CYP3A43: variants seen among roughly 807,000 people sequenced by gnomAD.
CYP3A43 encodes cytochrome P450 family 3 subfamily A member 43.
In CYP3A43, 45 loss-of-function variants were observed where a neutral mutation model predicts 58.0. The observed-to-expected ratio is 0.78, with a 90% CI of 0.61 to 0.99. The LOEUF (loss-of-function observed/expected upper bound fraction) is 0.99, where lower values mean the gene tolerates loss of function less well. CYP3A43 is among the 50% of genes least tolerant of loss of function. The pLI is 0.00. For synonymous variants in CYP3A43, 191 were observed against 201.4 expected (o/e 0.95, Z 0.44); for missense variants, 593 against 591.9 (o/e 1.00, Z -0.02).
intron 1 of CYP3A43, among the ~76,000 whole-genome samples, chr7:99,832,494 A>G (rs1816885077): frequency 7.0e-6 from 1 of 141,848 alleles, no homozygotes; most frequent in Non-Finnish European, 1.5e-5. Flanking sequence ...GAACAATGAG[A>G]ACACATGGAC....
intron 1 of CYP3A43, among the ~76,000 whole-genome samples, chr7:99,834,357 A>G (rs113466500): frequency 6.6e-6 from 1 of 152,158 alleles, no homozygotes; most frequent in African/African-American, 2.4e-5. Flanking sequence ...CCAGTCTCCT[A>G]TGTCCACATC....
intron 7 of CYP3A43, among the ~76,000 whole-genome samples, chr7:99,851,272 T>G (rs976369957): frequency 6.6e-6 from 1 of 152,234 alleles, no homozygotes; most frequent in Non-Finnish European, 1.5e-5. Flanking sequence ...AATAGTTGTT[T>G]ACAAGTTTAT....
chr7:99,838,026 A>G (rs921900866), intron 2 of CYP3A43, among the ~76,000 whole-genome samples: 1 of 152,186 alleles, frequency 6.6e-6, no homozygotes, highest in Non-Finnish European at 1.5e-5. Context: ...TTCTCTTCAT[A>G]TTTCCCAGAT....
chr7:99,852,185 A>G (rs554781638), intron 7 of CYP3A43, among the ~76,000 whole-genome samples: 1 of 152,304 alleles, frequency 6.6e-6, no homozygotes, highest in African/African-American at 2.4e-5. Flanking sequence ...CCAGTATCAC[A>G]TTGTCCTGAT....
chr7:99,840,842 G>C (rs1817302665), intron 3 of CYP3A43, among the ~76,000 whole-genome samples: 1 of 152,146 alleles, frequency 6.6e-6, no homozygotes, highest in African/African-American at 2.4e-5. Context: ...GATTCACTGA[G>C]GGCAGTTTGG....
intron 3 of CYP3A43, among the ~76,000 whole-genome samples, chr7:99,841,867 G>A (rs1207835670): frequency 1.3e-5 from 2 of 152,058 alleles, no homozygotes; most frequent in Non-Finnish European, 2.9e-5. Context: ...CTAAATCTAG[G>A]GAAGAGTAGA....
intron 3 of CYP3A43, among the ~76,000 whole-genome samples, chr7:99,841,440 C>G (rs1315714373): frequency 1.3e-5 from 2 of 152,120 alleles, no homozygotes; most frequent in African/African-American, 4.8e-5. Flanking sequence ...TCTTGTCACC[C>G]AGGCTGGAGT....
intron 7 of CYP3A43, chr7:99,850,006 G>A (rs1031672800): frequency 3.2e-5 from 14 of 441,280 alleles, no homozygotes; most frequent in East Asian, 6.6e-5. Flanking sequence ...TGCCTAGGCC[G>A]GAGTGCATGG....
Position 99,865,982 on chromosome 7 carries a change from G to C in CYP3A43, c.1493G>C (p.Gly498Ala). 2 of 1,602,182 alleles carry C rather than the reference G, an allele frequency of 1.2e-6. No homozygotes were observed. Among genetic ancestry groups the C allele is most frequent in the Non-Finnish European group, 1.7e-6 (2 of 1,174,260 alleles). Residue 498 changes from glycine to alanine, a missense_variant, in exon 13 of 13, where the codon GGG becomes GCG. Physicochemically the swap from Gly to Ala is moderately conservative, Grantham distance 60. Coordinates refer to ENST00000354829, the MANE Select transcript of CYP3A43 (RefSeq NM_057095.3). ...GTTCTAAAAGTGCACTTAAGAGATG[G>C]GATTACAAGTGGACCCTGACTTTCC... Reference protein sequence around the residue: ...PIVLKVHLRDGITSGP With the variant: ...PIVLKVHLRDAITSGP
intron 6 of CYP3A43, among the ~76,000 whole-genome samples, chr7:99,849,066 G>C (rs535580442): frequency 6.6e-6 from 1 of 152,244 alleles, no homozygotes; most frequent in Non-Finnish European, 1.5e-5. Flanking sequence ...GAGACATGAC[G>C]TTCACAGCAA....
At chr7:99,848,330 T>C in intron 6 of CYP3A43, 76 bp downstream of exon 6, 1 of 1,474,800 alleles carries the variant, frequency 6.8e-7, no homozygotes, top group Non-Finnish European at 9.4e-7. Flanking sequence ...ATATTCCCAC[T>C]GTTGGGTTAC....
At chr7:99,847,135 C>T (rs1817568314) in intron 4 of CYP3A43, among the ~76,000 whole-genome samples, 1 of 152,136 alleles carries the variant, frequency 6.6e-6, no homozygotes, top group Admixed American at 6.5e-5. Context: ...TATCTGTCAC[C>T]AGTCCCTTTC....
chr7:99,852,839 T>C (rs1422503366), intron 7 of CYP3A43, among the ~76,000 whole-genome samples: 2 of 152,188 alleles, frequency 1.3e-5, no homozygotes, highest in African/African-American at 4.8e-5. Context: ...ATCACAAAAG[T>C]CTTTTGGATT....
intron 7 of CYP3A43, among the ~76,000 whole-genome samples, chr7:99,851,890 T>A (rs1029139762): frequency 2.6e-5 from 4 of 152,378 alleles, no homozygotes; most frequent in African/African-American, 7.2e-5. Context: ...TGTGAGCTCA[T>A]GAAGATTTGC....
rs1210803426 is a variant in CYP3A43 at position 99,848,194 on chromosome 7, A to T, written c.461A>T (p.Asp154Val). The change falls in exon 6 of 13, where the codon GAT (aspartate) becomes GTT (valine). Residue 154 changes from aspartate (D) to valine (V), a missense_variant. Asp to Val is a radical substitution (Grantham distance 152, BLOSUM62 -3). Transcript: ENST00000354829. ...GTCCCCATCATTTCCCAATGTGGAG[A>T]TATGTTGGTGAGAAGCCTGAGGCAG... ...EMVPIISQCGDMLVRSLRQEA... is the reference protein window; with the variant it reads ...EMVPIISQCGVMLVRSLRQEA... 1.2e-6 allele frequency: 2 copies of T among 1,614,026 alleles called. No homozygotes were observed. Among genetic ancestry groups the T allele is most frequent in the Non-Finnish European group, 1.7e-6 (2 of 1,179,986 alleles).
Position 99,861,599 on chromosome 7 carries a change from T to A in CYP3A43, c.1027-14T>A, listed in dbSNP as rs541648357. On this transcript the variant is annotated splice_polypyrimidine_tract_variant and intron_variant, in intron 10 of 12. Coordinates refer to ENST00000354829, the MANE Select transcript of CYP3A43 (RefSeq NM_057095.3). ...CCAATCTCAATTTATCCAAATCTGT[T>A]TCTTTCTTCCCAGGCACCTGTCACC... 2.2e-5 allele frequency: 35 copies of A among 1,610,600 alleles called. No individual in the cohort carries two copies. Among genetic ancestry groups the A allele is most frequent in the Non-Finnish European group, 3.0e-5 (35 of 1,177,964 alleles).
intron 7 of CYP3A43, among the ~76,000 whole-genome samples, chr7:99,854,478 T>C (rs920043098): frequency 6.6e-6 from 1 of 152,118 alleles, no homozygotes; most frequent in Non-Finnish European, 1.5e-5. Context: ...GTGCTAGGAT[T>C]ACAGGCGTGA....
At chr7:99,839,042 G>A in intron 2 of CYP3A43, 78 bp from the exon 3 acceptor site, 3 of 1,535,836 alleles carry the variant, frequency 2.0e-6, no homozygotes, top group Non-Finnish European at 2.7e-6. Flanking sequence ...CATTGGATTT[G>A]ACTTTTTTGC....
At chr7:99,833,476 C>T (rs1291816449) in intron 1 of CYP3A43, among the ~76,000 whole-genome samples, 1 of 152,202 alleles carries the variant, frequency 6.6e-6, no homozygotes, top group Non-Finnish European at 1.5e-5. Context: ...TGCAGCTGCA[C>T]AGCTAGGGAA....
Sources: allele counts gnomAD v4.1 joint callset (sites outside exome capture counted in the v4.1 genomes callset), GRCh38; gene constraint gnomAD v4.1.1; transcripts MANE v1.5; gene names NCBI Gene and HGNC (gene_info 2026-07-23, HGNC 2026-07-21).